TLK2: variants seen among roughly 807,000 people sequenced by gnomAD.
TLK2 encodes serine/threonine-protein kinase tousled-like 2.
Under a neutral mutation model 117.3 loss-of-function variants are expected in TLK2, and 6 were observed. The ratio of observed to expected loss-of-function variants is 0.05; its 90% CI spans 0.03 to 0.10. TLK2 has a LOEUF of 0.10. Among genes scored for constraint, TLK2 ranks in the 10% least tolerant of loss-of-function variants. TLK2 has a pLI of 1.00. For missense variants in TLK2, 299 were observed against 901.2 expected (o/e 0.33, Z 8.56); for synonymous variants, 257 against 316.7 (o/e 0.81, Z 2.00).
intron 9 of TLK2, among the ~76,000 whole-genome samples, chr17:62,556,478 TTC>T (rs1208087144): frequency 2.0e-5 from 3 of 152,224 alleles, no homozygotes; most frequent in Admixed American, 6.5e-5. Flanking sequence ...GACCTGAGAA[TTC>T]TCTCTTTTGC....
intron 1 of TLK2, among the ~76,000 whole-genome samples, chr17:62,480,003 C>A (rs2071433170): frequency 6.6e-6 from 1 of 152,176 alleles, no homozygotes; most frequent in Non-Finnish European, 1.5e-5. Context: ...CTGAGAATTT[C>A]CTAATTCTCT....
At chr17:62,593,765 T>A (rs973004005) in intron 16 of TLK2, among the ~76,000 whole-genome samples, 2 of 151,746 alleles carry the variant, frequency 1.3e-5, no homozygotes, top group African/African-American at 4.8e-5. Context: ...TTTTTTTTTT[T>A]AATAAGTAGA....
At chr17:62,479,356 CT>C in intron 1 of TLK2, 66 bp downstream of exon 1, 1 of 153,576 alleles carries the variant, frequency 6.5e-6, no homozygotes, top group Non-Finnish European at 1.5e-5. Flanking sequence ...CTGGGGACCC[CT>C]TTGGCCTGAG....
chr17:62,573,957 A>G (rs2080531522), intron 12 of TLK2, among the ~76,000 whole-genome samples: 1 of 152,210 alleles, frequency 6.6e-6, no homozygotes. Context: ...CAATATTTAC[A>G]TAGCTACCAT....
chr17:62,563,360 T>C (rs950945597), intron 10 of TLK2, among the ~76,000 whole-genome samples: 1 of 152,170 alleles, frequency 6.6e-6, no homozygotes, highest in Non-Finnish European at 1.5e-5. Flanking sequence ...GGGAGGATCA[T>C]TGGAGCCAGG....
chr17:62,498,700 C>CT (rs1353976224), intron 2 of TLK2, among the ~76,000 whole-genome samples: 1 of 151,854 alleles, frequency 6.6e-6, no homozygotes, highest in African/African-American at 2.4e-5. Flanking sequence ...CAAGCCCTGT[C>CT]TTTTTTACTG....
intron 7 of TLK2, chr17:62,551,742 T>A: frequency 6.5e-6 from 1 of 153,650 alleles, no homozygotes; most frequent in Admixed American, 6.5e-5. Flanking sequence ...GAGAATATAA[T>A]ATAATTAACC....
At chr17:62,480,603 C>G (rs570767439) in intron 1 of TLK2, among the ~76,000 whole-genome samples, 63 of 152,170 alleles carry the variant, frequency 4.1e-4, no homozygotes, top group Non-Finnish European at 7.1e-4. Flanking sequence ...GTGAGCTCTT[C>G]AGAGACAGGA....
chr17:62,487,179 C>T (rs2072496233), intron 2 of TLK2, among the ~76,000 whole-genome samples: 1 of 151,882 alleles, frequency 6.6e-6, no homozygotes, highest in African/African-American at 2.4e-5. Flanking sequence ...GTAATCCCAG[C>T]TACTCAGGAG....
intron 6 of TLK2, among the ~76,000 whole-genome samples, chr17:62,531,197 T>G (rs1471526223): frequency 6.6e-6 from 1 of 152,208 alleles, no homozygotes; most frequent in East Asian, 1.9e-4. Context: ...TTTTTCCTTC[T>G]CTTATGAAAT....
Position 62,608,106 on chromosome 17 carries a change from A to G in TLK2, c.2037A>G (p.Glu679=). ...LQENTILKAT[E]VQFPPKPVVT... ...AGAATACGATTCTTAAAGCTACTGA[A>G]GTGCAGTTCCCGCCAAAGCCAGTAG... The change falls in exon 21 of 22, where the codon GAA becomes GAG. Residue 679 remains glutamate (E), a synonymous_variant. Transcript: ENST00000346027. 1 of 1,614,072 alleles carries G rather than the reference A, an allele frequency of 6.2e-7. No individual in the cohort carries two copies. Among genetic ancestry groups the G allele is most frequent in the Non-Finnish European group, 8.5e-7 (1 of 1,180,028 alleles).
chr17:62,555,978 T>G lies in TLK2; in HGVS notation c.720+2223T>G, dbSNP rs923248066. ...TTTATATTATTAATTAATTATTAAT[T>G]TTTTGAGACAGAGTCTCACTTTGTC... On this transcript the variant is annotated intron_variant, in intron 9 of 21. Coordinates refer to ENST00000346027, the MANE Select transcript of TLK2 (RefSeq NM_006852.6). 3.9e-5 allele frequency among the ~76,000 whole-genome samples: 6 copies of G among 151,968 alleles called. No homozygotes were observed. The East Asian group carries it at 7.7e-4, about 20-fold the overall frequency.
intron 1 of TLK2, among the ~76,000 whole-genome samples, chr17:62,480,136 T>A (rs1350370797): frequency 6.6e-6 from 1 of 152,276 alleles, no homozygotes; most frequent in Non-Finnish European, 1.5e-5. Flanking sequence ...GGGTTGTTAC[T>A]GGAGATTGTA....
chr17:62,495,849 A>T (rs988019371), intron 2 of TLK2, among the ~76,000 whole-genome samples: 1 of 150,904 alleles, frequency 6.6e-6, no homozygotes, highest in African/African-American at 2.4e-5. Flanking sequence ...TTTTTAGTAG[A>T]GACGGGGTTT....
At chr17:62,475,067 A>G (rs572372592), upstream of TLK2, among the ~76,000 whole-genome samples, 18 of 152,274 alleles carry the variant, frequency 1.2e-4, no homozygotes, top group African/African-American at 4.1e-4. Flanking sequence ...AAATCCCCTT[A>G]GAGCTCTTTC....
intron 9 of TLK2, among the ~76,000 whole-genome samples, chr17:62,555,085 A>G (rs562134757): frequency 1.3e-5 from 2 of 152,176 alleles, no homozygotes; most frequent in African/African-American, 4.8e-5. Context: ...AACATTGGCT[A>G]GCATTTTTCT....
chr17:62,606,035 C>T lies in TLK2; in HGVS notation c.1860-95C>T, dbSNP rs980984007. ...AAAAAAAAAAAAAAAAACGATATTT[C>T]TATTTTCAACAAGATATTTTATTTT... On this transcript the variant is annotated intron_variant, in intron 19 of 21. Coordinates refer to ENST00000346027, the MANE Select transcript of TLK2 (RefSeq NM_006852.6). 22 of 268,012 alleles carry T rather than the reference C, an allele frequency of 8.2e-5. No individual in the cohort carries two copies. The South Asian group carries it at 1.5e-3, about 18-fold the overall frequency. 16.6% of individuals were successfully genotyped at this position (268,012 alleles called of 1,614,324 possible).
chr17:62,560,838 T>TA (rs1462115626), intron 10 of TLK2, among the ~76,000 whole-genome samples: 1 of 151,880 alleles, frequency 6.6e-6, no homozygotes, highest in Non-Finnish European at 1.5e-5. Flanking sequence ...ATTTTTTTTT[T>TA]AATTATACTT....
chr17:62,562,292 G>A (rs965888436), intron 10 of TLK2, among the ~76,000 whole-genome samples: 10 of 152,250 alleles, frequency 6.6e-5, no homozygotes, highest in Middle Eastern at 3.4e-3. Context: ...CCTGGGAGGC[G>A]GAGATTGCAG....
Sources: allele counts gnomAD v4.1 joint callset (sites outside exome capture counted in the v4.1 genomes callset), GRCh38; gene constraint gnomAD v4.1.1; transcripts MANE v1.5; gene names NCBI Gene and HGNC (gene_info 2026-07-23, HGNC 2026-07-21).